Variants in IGBP1C observed in about 807,000 individuals in gnomAD.
IGBP1C encodes the protein IGBP1 family member C.
the IGBP1C span, among the ~76,000 whole-genome samples, chr17:58,674,919 G>GA: frequency 6.6e-6 from 1 of 150,926 alleles, no homozygotes. Flanking sequence ...CTGAGGGGGG[G>GA]TGCATCACTT....
chr17:58,661,828 TCC>T, the IGBP1C span: 2 of 471,422 alleles, frequency 4.2e-6, no homozygotes, highest in African/African-American at 4.0e-5. Context: ...TGTTTCCGTT[TCC>T]TAAAATTGTA....
At chr17:58,660,714 T>C in the IGBP1C span, 1 of 781,594 alleles carries the variant, frequency 1.3e-6, no homozygotes, top group African/African-American at 1.7e-5. Flanking sequence ...GTGGCTTTTC[T>C]GAATTCTTCT....
the IGBP1C span, among the ~76,000 whole-genome samples, chr17:58,671,869 C>T: frequency 3.9e-5 from 6 of 152,152 alleles, no homozygotes; most frequent in Non-Finnish European, 8.8e-5. Context: ...AGACTTTCCA[C>T]GCCATTTCAC....
chr17:58,665,000 C>G, the IGBP1C span, among the ~76,000 whole-genome samples: 219 of 152,048 alleles, frequency 1.4e-3, no homozygotes, highest in Middle Eastern at 3.4e-3. Flanking sequence ...CCAGGAAGAG[C>G]AGGCATGTAA....
chr17:58,684,533 G>A, the IGBP1C span, among the ~76,000 whole-genome samples: 1 of 151,594 alleles, frequency 6.6e-6, no homozygotes, highest in Admixed American at 6.6e-5. Flanking sequence ...TACTCTGGAG[G>A]CTGAGGCAGG....
the IGBP1C span, among the ~76,000 whole-genome samples, chr17:58,670,589 T>A: frequency 6.6e-6 from 1 of 151,416 alleles, no homozygotes. Context: ...GCCTGGCCAA[T>A]ATGGAGAAAC....
the IGBP1C span, among the ~76,000 whole-genome samples, chr17:58,682,945 T>C: frequency 6.6e-6 from 1 of 150,736 alleles, no homozygotes; most frequent in African/African-American, 2.4e-5. Flanking sequence ...AGGAGCTGGA[T>C]GCGGTGGCTA....
At chr17:58,661,584 CT>C in the IGBP1C span, 1 of 728,292 alleles carries the variant, frequency 1.4e-6, no homozygotes, top group South Asian at 1.5e-5. Context: ...AGGAACTCGT[CT>C]TCAGCAGCTG....
chr17:58,666,458 CAAAAAAAAAAAAAAAAAAA>C, the IGBP1C span: 3 of 36,812 alleles, frequency 8.1e-5, no homozygotes, highest in Non-Finnish European at 1.4e-4. Context: ...CCTTCCACGG[CAAAAAAAAAAAAAAAAAAA>C]AAAAAAAAAA....
the IGBP1C span, chr17:58,661,307 C>A: frequency 1.2e-6 from 1 of 826,768 alleles, no homozygotes; most frequent in African/African-American, 1.7e-5. Flanking sequence ...TAGACGCTTA[C>A]GGGGGTTGAC....
At chr17:58,668,447 C>G in the IGBP1C span, among the ~76,000 whole-genome samples, 128 of 152,344 alleles carry the variant, frequency 8.4e-4, no homozygotes, top group African/African-American at 2.9e-3. Flanking sequence ...TAACTGGAGC[C>G]TGGGTCCAGT....
chr17:58,669,733 CAAAAAA>C, the IGBP1C span, among the ~76,000 whole-genome samples: 12 of 56,300 alleles, frequency 2.1e-4, no homozygotes, highest in Non-Finnish European at 2.4e-4. Flanking sequence ...GACTCCGTCT[CAAAAAA>C]AAAAAAAAAA....
At chr17:58,668,180 A>G in the IGBP1C span, among the ~76,000 whole-genome samples, 4 of 152,100 alleles carry the variant, frequency 2.6e-5, no homozygotes, top group Non-Finnish European at 1.5e-5. Flanking sequence ...TCCTCTTGGT[A>G]ATTTTCTAAC....
At chr17:58,669,466 C>G in the IGBP1C span, among the ~76,000 whole-genome samples, 1 of 151,964 alleles carries the variant, frequency 6.6e-6, no homozygotes, top group African/African-American at 2.4e-5. Flanking sequence ...GGCGTGGTGG[C>G]TCACGCCTGT....
chr17:58,664,630 C>T, the IGBP1C span, among the ~76,000 whole-genome samples: 3 of 152,122 alleles, frequency 2.0e-5, no homozygotes, highest in Non-Finnish European at 2.9e-5. Context: ...CTTGCCAGAC[C>T]TATAAAAAGT....
chr17:58,691,105 C>T, the IGBP1C span, among the ~76,000 whole-genome samples: 1 of 151,906 alleles, frequency 6.6e-6, no homozygotes, highest in Admixed American at 6.6e-5. Context: ...ATCCACCTGC[C>T]TCGACCTCCC....
At chr17:58,688,573 T>C in the IGBP1C span, among the ~76,000 whole-genome samples, 44 of 152,320 alleles carry the variant, frequency 2.9e-4, no homozygotes, top group South Asian at 7.2e-3. Flanking sequence ...GTGTGATAAG[T>C]ACTGTATATG....
chr17:58,660,629 T>C, the IGBP1C span: 1 of 790,960 alleles, frequency 1.3e-6, no homozygotes, highest in African/African-American at 1.7e-5. Flanking sequence ...GTCCTTCCAG[T>C]CATCCCACTC....
chr17:58,679,653 C>T, the IGBP1C span: 1 of 152,184 alleles, frequency 6.6e-6, no homozygotes, highest in East Asian at 1.9e-4. Flanking sequence ...AAAAATCCAC[C>T]TTTAATGATC....
Sources: gnomAD v4.1 joint callset for allele counts (sites outside exome capture counted in the v4.1 genomes callset) on GRCh38, gnomAD v4.1.1 for gene constraint, MANE v1.5 for transcripts, NCBI Gene and HGNC (gene_info 2026-07-23, HGNC 2026-07-21) for gene names.